The following IGF1R variants were observed in gnomAD, a reference collection of about 807,000 sequenced individuals.
The protein encoded by IGF1R is insulin-like growth factor 1 receptor.
IGF1R carries 44 observed loss-of-function variants against 144.6 expected under a neutral mutation model. The observed-to-expected ratio is 0.30, with a 90% CI of 0.24 to 0.39. The LOEUF (loss-of-function observed/expected upper bound fraction) is 0.39, where lower values mean the gene tolerates loss of function less well. Ranked by LOEUF, IGF1R falls within the 10% of genes least tolerant of loss-of-function variation. IGF1R has a pLI of 1.00. For missense variants in IGF1R, 1,355 were observed against 1,833.7 expected (o/e 0.74, Z 4.77); for synonymous variants, 795 against 722.8 (o/e 1.10, Z -1.60).
chr15:98,921,870 TG>T (rs1158432430), intron 10 of IGF1R, among the ~76,000 whole-genome samples: 2 of 151,524 alleles, frequency 1.3e-5, no homozygotes, highest in Non-Finnish European at 2.9e-5. Context: ...TGGCCAAGAG[TG>T]GCAGAGACAC....
At chr15:98,731,068 T>C (rs1458583595) in intron 2 of IGF1R, among the ~76,000 whole-genome samples, 1 of 152,212 alleles carries the variant, frequency 6.6e-6, no homozygotes, top group Non-Finnish European at 1.5e-5. Flanking sequence ...TGAAAATAAC[T>C]TGGTCTGTTC....
At chr15:98,658,892 A>G (rs2052541807) in intron 1 of IGF1R, among the ~76,000 whole-genome samples, 1 of 152,346 alleles carries the variant, frequency 6.6e-6, no homozygotes, top group African/African-American at 2.4e-5. Flanking sequence ...AAATAATTTA[A>G]TCTTCTTGTG....
chr15:98,962,571 C>T lies in IGF1R; in HGVS notation c.*5129C>T, dbSNP rs2017268212. Reference sequence around the variant, plus strand: ...AGAGGGTTTCATTTTTGGCCTTCATCTTAGATGACTGGTTGCGTCATTTGG... The same window carrying T: ...AGAGGGTTTCATTTTTGGCCTTCATTTTAGATGACTGGTTGCGTCATTTGG... On this transcript the variant is annotated 3_prime_UTR_variant, in exon 21 of 21. Coordinates refer to ENST00000650285, the MANE Select transcript of IGF1R (RefSeq NM_000875.5). 4.3e-6 allele frequency: 1 copy of T among 233,796 alleles called. No individual in the cohort carries two copies. The highest frequency in any genetic ancestry group is 6.0e-5 in the East Asian group (1 of 16,592). The allele number at this position is 233,796 out of a possible 1,614,324, so 14.5% of individuals were successfully genotyped here.
At chr15:98,907,737 G>A (rs760356423) in intron 5 of IGF1R, among the ~76,000 whole-genome samples, 19 of 152,222 alleles carry the variant, frequency 1.2e-4, no homozygotes, top group Non-Finnish European at 2.8e-4. Flanking sequence ...TGCCACCTGG[G>A]TAGCCAGATA....
chr15:98,929,175 C>G (rs1459786196), intron 13 of IGF1R, among the ~76,000 whole-genome samples: 1 of 151,972 alleles, frequency 6.6e-6, no homozygotes, highest in Non-Finnish European at 1.5e-5. Context: ...AGGCTGGGTA[C>G]CGGGGACATG....
At chr15:98,792,091 A>G (rs545332577) in intron 2 of IGF1R, among the ~76,000 whole-genome samples, 62 of 152,336 alleles carry the variant, frequency 4.1e-4, no homozygotes, top group African/African-American at 1.3e-3. Flanking sequence ...AAGGTCCCCA[A>G]ATTCATTGTA....
At chr15:98,726,946 C>G (rs181038773) in intron 2 of IGF1R, among the ~76,000 whole-genome samples, 1 of 152,140 alleles carries the variant, frequency 6.6e-6, no homozygotes, top group African/African-American at 2.4e-5. Flanking sequence ...GTCTCGAACT[C>G]CTGACCTCAG....
intron 2 of IGF1R, among the ~76,000 whole-genome samples, chr15:98,783,312 C>T (rs999073128): frequency 6.6e-6 from 1 of 152,098 alleles, no homozygotes. Context: ...TCCCTTCTAT[C>T]TCTCCTCTCT....
chr15:98,708,176 T>C (rs1470560682), intron 2 of IGF1R, 69 bp downstream of exon 2: 52 of 1,367,854 alleles, frequency 3.8e-5, no homozygotes, highest in Admixed American at 5.1e-5. Context: ...TGACCTCCCT[T>C]CTCTTCTGAG....
chr15:98,688,278 T>C (rs2053381976), intron 1 of IGF1R, among the ~76,000 whole-genome samples: 1 of 149,154 alleles, frequency 6.7e-6, no homozygotes, highest in Non-Finnish European at 1.5e-5. Flanking sequence ...TGCTCCTGTT[T>C]TCTCCCCCGC....
intron 2 of IGF1R, among the ~76,000 whole-genome samples, chr15:98,738,468 C>T (rs1241238318): frequency 2.6e-5 from 4 of 152,190 alleles, no homozygotes; most frequent in Admixed American, 2.0e-4. Context: ...CCCAGGAGTT[C>T]GAGGCTAAAG....
intron 8 of IGF1R, among the ~76,000 whole-genome samples, chr15:98,915,647 G>A (rs550618139): frequency 5.9e-5 from 9 of 152,312 alleles, no homozygotes; most frequent in African/African-American, 2.2e-4. Flanking sequence ...GAAATACCAG[G>A]TGTTTGAATT....
intron 2 of IGF1R, among the ~76,000 whole-genome samples, chr15:98,770,740 C>T (rs12102174): frequency 2.0e-5 from 3 of 151,904 alleles, no homozygotes; most frequent in African/African-American, 7.3e-5. Context: ...CAATCACTGT[C>T]TCTCAGGTCC....
chr15:98,859,912 G>A (rs2012051726), intron 2 of IGF1R, among the ~76,000 whole-genome samples: 1 of 152,154 alleles, frequency 6.6e-6, no homozygotes, highest in Non-Finnish European at 1.5e-5. Flanking sequence ...CACATGGGTA[G>A]TTTCTTGAAG....
chr15:98,931,115 G>A (rs1223857225), intron 15 of IGF1R, among the ~76,000 whole-genome samples: 1 of 152,148 alleles, frequency 6.6e-6, no homozygotes, highest in East Asian at 1.9e-4. Flanking sequence ...GAAAAAACTT[G>A]TGCAGGCTCA....
Position 98,960,255 on chromosome 15 carries a change from C to T in IGF1R, c.*2813C>T, listed in dbSNP as rs1166669303. 6 of 233,170 alleles carry T rather than the reference C, an allele frequency of 2.6e-5. No homozygotes were observed. Among genetic ancestry groups the T allele is most frequent in the Non-Finnish European group, 4.2e-5 (5 of 118,028 alleles). The allele number at this position is 233,170 out of a possible 1,614,324, so 14.4% of individuals were successfully genotyped here. ...AACTCACCTCTCTGCTCATTTCAGA[C>T]AGCTTGCCTTTTTCTGAGATGTCCT... is the stretch of plus-strand genomic sequence containing the variant. On this transcript the variant is annotated 3_prime_UTR_variant, in exon 21 of 21. Transcript: ENST00000650285.
intron 13 of IGF1R, among the ~76,000 whole-genome samples, chr15:98,928,193 G>A (rs1054454186): frequency 6.6e-6 from 1 of 152,104 alleles, no homozygotes; most frequent in Non-Finnish European, 1.5e-5. Flanking sequence ...GCCTTGGGGG[G>A]ATGGTATGAG....
At chr15:98,777,553 T>C (rs2055749699) in intron 2 of IGF1R, among the ~76,000 whole-genome samples, 1 of 152,120 alleles carries the variant, frequency 6.6e-6, no homozygotes, top group Non-Finnish European at 1.5e-5. Context: ...ACCTCAAGGG[T>C]GCAGGCGGCT....
Position 98,704,056 on chromosome 15 carries a change from T to TC in IGF1R, c.95-3502dup, listed in dbSNP as rs1352196944. Among the ~76,000 whole-genome samples the TC allele has an allele frequency of 8.6e-5, 2 of 23,288 alleles. No homozygotes were observed. The highest frequency in any genetic ancestry group is 2.3e-4 in the African/African-American group (2 of 8,738). The allele number at this position is 23,288 out of a possible 152,430, so 15.3% of individuals were successfully genotyped here. ...CACACGACACACAGTTAATTTAGTG[T>TC]CCCCAGGGGAAAAAAGACCCTCCCG... On this transcript the variant is annotated intron_variant, in intron 1 of 20. Coordinates refer to ENST00000650285, the MANE Select transcript of IGF1R (RefSeq NM_000875.5). This position sits in a 1 kb window ranked among gnomAD's most constrained non-coding sequence, Gnocchi z 4.9.
Sources: gnomAD v4.1 joint callset for allele counts (sites outside exome capture counted in the v4.1 genomes callset) on GRCh38, gnomAD v4.1.1 for gene constraint, Gnocchi (gnomAD v3.1) non-coding constraint, MANE v1.5 for transcripts, NCBI Gene and HGNC (gene_info 2026-07-23, HGNC 2026-07-21) for gene names.